The following ZNF140 variants were observed in gnomAD, a reference collection of about 807,000 sequenced individuals.
ZNF140 encodes zinc finger protein 140, also known as zinc finger protein 140 (clone pHZ-39).
Under a neutral mutation model 12.9 loss-of-function variants are expected in ZNF140, and 13 were observed. That is an observed-to-expected ratio of 1.01 (90% CI 0.66 to 1.60). ZNF140 has a LOEUF of 1.60. ZNF140 is among the 40% of genes most tolerant of loss of function. The pLI is 0.00. For synonymous variants in ZNF140, 214 were observed against 186.7 expected, an observed-to-expected ratio of 1.15 and a Z score of -1.19; for missense variants, 531 against 548.8, an observed-to-expected ratio of 0.97 and a Z score of 0.32.
chr12:133,095,387 T>C (rs11147228), intron 4 of ZNF140, among the ~76,000 whole-genome samples: 88,863 of 150,152 alleles, frequency 0.59, 28,848 homozygotes, highest in Non-Finnish European at 0.72. Context: ...TGGATGTACT[T>C]GGGAATCTCT....
At chr12:133,094,190 A>G (rs1267876433) in intron 4 of ZNF140, among the ~76,000 whole-genome samples, 7 of 150,430 alleles carry the variant, frequency 4.7e-5, no homozygotes, top group South Asian at 2.1e-4. Context: ...GAATAATACA[A>G]CAGTCTGAAA....
At chr12:133,081,362 TA>T (rs2137471722) in intron 2 of ZNF140, 33 bp downstream of exon 2, 1 of 271,140 alleles carries the variant, frequency 3.7e-6, no homozygotes, top group South Asian at 7.4e-5. Flanking sequence ...TATATATATA[TA>T]TATATATAAA....
rs368640870 is a variant in ZNF140 at position 133,081,348 on chromosome 12, A to AATAT, written c.9+39_9+42dup. 9,412 of 317,874 alleles carry AATAT rather than the reference A, an allele frequency of 0.03. 823 individuals are homozygous for AATAT. The highest frequency in any genetic ancestry group is 0.25 in the East Asian group (3,130 of 12,326). The allele number at this position is 317,874 out of a possible 1,614,324, so 19.7% of individuals were successfully genotyped here. A position where few individuals can be genotyped will look rare whatever the true frequency, so the allele number is the denominator to read the frequency against. ...GTCTCAGGTAAGCTAATGATTGATA[A>AATAT]ATATATATATATATATATATATAAA... On this transcript the variant is annotated intron_variant, in intron 2 of 4. Coordinates refer to ENST00000355557, the MANE Select transcript of ZNF140 (RefSeq NM_003440.4).
chr12:133,091,757 C>A (rs1954899280), intron 4 of ZNF140, among the ~76,000 whole-genome samples: 1 of 151,050 alleles, frequency 6.6e-6, no homozygotes, highest in Non-Finnish European at 1.5e-5. Context: ...ACAGCTTTTA[C>A]CATTGTCTCA....
intron 4 of ZNF140, among the ~76,000 whole-genome samples, chr12:133,094,421 G>T (rs897650147): frequency 6.6e-6 from 1 of 150,940 alleles, no homozygotes; most frequent in African/African-American, 2.5e-5. Context: ...GCCAATCTTT[G>T]GGGGTCATGG....
chr12:133,095,934 G>A, intron 4 of ZNF140, among the ~76,000 whole-genome samples: 1 of 151,846 alleles, frequency 6.6e-6, no homozygotes, highest in South Asian at 2.1e-4. Flanking sequence ...GTACAATCGG[G>A]TTTTATACCG....
In ZNF140 at chr12:133,105,497, TG is replaced by T; in HGVS notation, c.233-11del. ...GAAAAAGAAACATTCACTTTTTTTT[TG>T]GTATCTTTCAGTTTCAGAGTCAAGT... On this transcript the variant is annotated splice_polypyrimidine_tract_variant and intron_variant, in intron 4 of 4. Transcript: ENST00000355557. 1.9e-6 allele frequency: 3 copies of T among 1,563,178 alleles called. No individual in the cohort carries two copies. The highest frequency in any genetic ancestry group is 2.1e-5 in the Admixed American group (1 of 48,578).
Position 133,083,534 on chromosome 12 carries a change from A to G in ZNF140, c.205A>G (p.Arg69Gly). 6.2e-7 allele frequency: 1 copy of G among 1,614,072 alleles called. No homozygotes were observed. Among genetic ancestry groups the G allele is most frequent in the South Asian group, 1.1e-5 (1 of 91,060 alleles). The change falls in exon 4 of 5, where the codon AGG becomes GGG. Residue 69 changes from arginine to glycine, a missense_variant. Transcript: ENST00000355557. ...EQGKEPWLGK[R>G]EVKRDLFSVS... Reference sequence around the variant, plus strand: ...AGGGAAAGAACCCTGGCTGGGGAAAAGGGAAGTGAAAAGAGATCTGTTTTC... The same window carrying G: ...AGGGAAAGAACCCTGGCTGGGGAAAGGGGAAGTGAAAAGAGATCTGTTTTC...
chr12:133,097,579 G>T (rs1210279382), intron 4 of ZNF140, among the ~76,000 whole-genome samples: 5 of 150,364 alleles, frequency 3.3e-5, no homozygotes, highest in Non-Finnish European at 1.5e-5. Flanking sequence ...GGAGGCGGAG[G>T]TTGCAGTGAG....
rs1259204467 is a variant in ZNF140 at position 133,106,321 on chromosome 12, G to A, written c.1044G>A (p.Gln348=). ...GTCACTCATTCCTTATTAAACATCAGAGAATTCATGCTGGAGAAAAGCTCT... is the reference window on the plus strand; with the variant it reads ...GTCACTCATTCCTTATTAAACATCAAAGAATTCATGCTGGAGAAAAGCTCT... The part of the protein sequence containing the change: ...FRCHSFLIKH[Q]RIHAGEKLYE... Residue 348 remains glutamine, a synonymous_variant, in exon 5 of 5, where the codon CAG becomes CAA. Coordinates refer to ENST00000355557, the MANE Select transcript of ZNF140 (RefSeq NM_003440.4). The A allele has an allele frequency of 1.9e-6, 3 of 1,614,158 alleles. No homozygotes were observed. Among genetic ancestry groups the A allele is most frequent in the South Asian group, 1.1e-5 (1 of 91,076 alleles).
At chr12:133,101,167 C>A in intron 4 of ZNF140, 1 of 248,420 alleles carries the variant, frequency 4.0e-6, no homozygotes. Flanking sequence ...ACTTACCTTG[C>A]TTGGTGTTCT....
At chr12:133,095,342 C>T (rs146038038) in intron 4 of ZNF140, among the ~76,000 whole-genome samples, 3 of 150,952 alleles carry the variant, frequency 2.0e-5, no homozygotes, top group African/African-American at 4.9e-5. Flanking sequence ...ACCCTGGATT[C>T]CTCCGAGCGC....
intron 4 of ZNF140, among the ~76,000 whole-genome samples, chr12:133,091,035 A>G (rs1336226821): frequency 2.0e-4 from 30 of 148,902 alleles, no homozygotes; most frequent in East Asian, 1.4e-3. Flanking sequence ...AGGGGCAGAC[A>G]GGAGACAGTG....
chr12:133,091,393 G>A (rs1954884816), intron 4 of ZNF140, among the ~76,000 whole-genome samples: 1 of 151,238 alleles, frequency 6.6e-6, no homozygotes, highest in Non-Finnish European at 1.5e-5. Context: ...TGAGCTCCAG[G>A]TTGGGTCAAA....
At chr12:133,085,467 A>G (rs1335576374) in intron 4 of ZNF140, among the ~76,000 whole-genome samples, 1 of 152,214 alleles carries the variant, frequency 6.6e-6, no homozygotes, top group Non-Finnish European at 1.5e-5. Flanking sequence ...AATTATTATA[A>G]GGCAAACAGT....
intron 4 of ZNF140, among the ~76,000 whole-genome samples, chr12:133,090,679 TGCACCA>T (rs1193735636): frequency 6.7e-6 from 1 of 149,326 alleles, no homozygotes; most frequent in Non-Finnish European, 1.5e-5. Flanking sequence ...ACCAAGGACC[TGCACCA>T]GCACCGGCCT....
In ZNF140 at chr12:133,081,371, A is replaced by ATATATATATATATATATATATATATAT. The variant is rs1593734785; in HGVS notation, c.9+42_9+43insTATATATATATATATATATATATATAT. 6.6e-4 allele frequency: 165 copies of ATATATATATATATATATATATATATAT among 251,592 alleles called. 2 individuals are homozygous for ATATATATATATATATATATATATATAT. The highest frequency in any genetic ancestry group is 9.5e-4 in the Admixed American group (14 of 14,704). 15.6% of individuals were successfully genotyped at this position (251,592 alleles called of 1,614,324 possible). ...TAAATATATATATATATATATATAT[A>ATATATATATATATATATATATATATAT]AATTTTTATTTTTTTTTTAAGAGAG... On this transcript the variant is annotated intron_variant, in intron 2 of 4. Coordinates refer to ENST00000355557, the MANE Select transcript of ZNF140 (RefSeq NM_003440.4).
chr12:133,101,178 CTG>C (rs1321124887), intron 4 of ZNF140: 1 of 246,274 alleles, frequency 4.1e-6, no homozygotes, highest in Non-Finnish European at 8.3e-6. Context: ...TTGGTGTTCT[CTG>C]TGTTTCCTCC....
intron 4 of ZNF140, among the ~76,000 whole-genome samples, chr12:133,096,331 G>A (rs1258888174): frequency 6.6e-6 from 1 of 152,144 alleles, no homozygotes; most frequent in Non-Finnish European, 1.5e-5. Flanking sequence ...TCCAGGTTGG[G>A]TCAAAGTGGC....
Sources: allele counts gnomAD v4.1 joint callset (sites outside exome capture counted in the v4.1 genomes callset), GRCh38; gene constraint gnomAD v4.1.1; transcripts MANE v1.5; gene names NCBI Gene and HGNC (gene_info 2026-07-23, HGNC 2026-07-21).